Variants in USP10 observed in about 807,000 individuals in gnomAD.
The protein encoded by USP10 is ubiquitin carboxyl-terminal hydrolase 10.
USP10 carries 22 observed loss-of-function variants against 84.5 expected under a neutral mutation model. The observed-to-expected ratio is 0.26, with a 90% CI of 0.19 to 0.37. The LOEUF (loss-of-function observed/expected upper bound fraction) is 0.37. Among genes scored for constraint, USP10 ranks in the 10% least tolerant of loss-of-function variants. USP10 has a pLI of 1.00. For synonymous variants in USP10, 454 were observed against 387.6 expected (o/e 1.17, Z -2.01); for missense variants, 1,019 against 998.9 (o/e 1.02, Z -0.27).
chr16:84,721,009 T>A (rs1907735124), intron 1 of USP10, among the ~76,000 whole-genome samples: 1 of 151,308 alleles, frequency 6.6e-6, no homozygotes, highest in African/African-American at 2.4e-5. Context: ...TTTTCCTGCC[T>A]CAGCCTCTCG....
Position 84,719,100 on chromosome 16 carries a change from T to A in USP10, c.22-14335T>A, listed in dbSNP as rs868668913. Among the ~76,000 whole-genome samples, 9 of 152,124 alleles carry A rather than the reference T, an allele frequency of 5.9e-5. 1 individual carries two copies. The Middle Eastern group carries it at 0.014, about 230-fold the overall frequency. On this transcript the variant is annotated intron_variant, in intron 1 of 13. Coordinates refer to ENST00000219473, the MANE Select transcript of USP10 (RefSeq NM_005153.3). ...AGCCACCGCGCCCGGCCAGTTTAGT[T>A]GTTGTTGTTGTTGTTGTTTTTGCCT...
chr16:84,718,734 C>T (rs1263307492), intron 1 of USP10, among the ~76,000 whole-genome samples: 1 of 151,076 alleles, frequency 6.6e-6, no homozygotes, highest in African/African-American at 2.4e-5. Context: ...CCAGGTTGGG[C>T]AACAGAGCAA....
intron 1 of USP10, among the ~76,000 whole-genome samples, chr16:84,720,792 G>A (rs1451382914): frequency 2.0e-5 from 3 of 150,878 alleles, no homozygotes; most frequent in South Asian, 2.1e-4. Context: ...CCGTATTAGC[G>A]GGGATGGTCT....
intron 3 of USP10, among the ~76,000 whole-genome samples, chr16:84,741,688 ACACG>A (rs1376384564): frequency 6.6e-6 from 1 of 152,098 alleles, no homozygotes; most frequent in Admixed American, 6.5e-5. Context: ...TCTGCCAAAA[ACACG>A]ACTGGAATCT....
intron 11 of USP10, among the ~76,000 whole-genome samples, chr16:84,768,893 C>G (rs1186470919): frequency 6.6e-6 from 1 of 152,168 alleles, no homozygotes; most frequent in East Asian, 1.9e-4. Context: ...TTTCAGTCTT[C>G]ATGAATTTAA....
chr16:84,723,473 A>C (rs1405740409), intron 1 of USP10, among the ~76,000 whole-genome samples: 5 of 152,254 alleles, frequency 3.3e-5, no homozygotes, highest in Admixed American at 3.3e-4. Flanking sequence ...AAAACCATTC[A>C]GAGTGATCAA....
At chr16:84,710,718 A>C (rs1597273030) in intron 1 of USP10, among the ~76,000 whole-genome samples, 1 of 152,118 alleles carries the variant, frequency 6.6e-6, no homozygotes, top group Admixed American at 6.5e-5. Flanking sequence ...TGGATTTAAC[A>C]GCGTTTTTAG....
intron 1 of USP10, among the ~76,000 whole-genome samples, chr16:84,714,445 A>C (rs1296995811): frequency 2.0e-5 from 3 of 152,160 alleles, no homozygotes; most frequent in East Asian, 1.9e-4. Flanking sequence ...TAGCCTCCCA[A>C]AATGCTGGGG....
At chr16:84,769,117 G>C (rs1351323467) in intron 11 of USP10, among the ~76,000 whole-genome samples, 1 of 152,198 alleles carries the variant, frequency 6.6e-6, no homozygotes, top group African/African-American at 2.4e-5. Context: ...AATGCAGGCT[G>C]ATAATTATGG....
chr16:84,719,266 G>A (rs1237613031), intron 1 of USP10, among the ~76,000 whole-genome samples: 1 of 152,074 alleles, frequency 6.6e-6, no homozygotes, highest in Non-Finnish European at 1.5e-5. Flanking sequence ...TAACTGGGAG[G>A]CATAACTGAA....
intron 1 of USP10, among the ~76,000 whole-genome samples, chr16:84,709,901 G>T (rs570788531): frequency 1.3e-5 from 2 of 151,898 alleles, no homozygotes; most frequent in Non-Finnish European, 2.9e-5. Flanking sequence ...TTAGCCGGGA[G>T]TCTGGAGAGG....
chr16:84,772,657 A>C lies in USP10; in HGVS notation c.2115A>C (p.Glu705Asp). 6.2e-7 allele frequency: 1 copy of C among 1,614,004 alleles called. No individual in the cohort carries two copies. The highest frequency in any genetic ancestry group is 8.5e-7 in the Non-Finnish European group (1 of 1,179,904). ...GGCQKLIKNIEYPVDLEISKE... is the reference protein window; with the variant it reads ...GGCQKLIKNIDYPVDLEISKE... ...GCCAGAAGCTTATCAAAAATATTGAATATCCTGTGGACTTGGAAATTAGTA... is the reference window on the plus strand; with the variant it reads ...GCCAGAAGCTTATCAAAAATATTGACTATCCTGTGGACTTGGAAATTAGTA... The change falls in exon 12 of 14, where the codon GAA (glutamate) becomes GAC (aspartate). Residue 705 changes from glutamate to aspartate, a missense_variant. Physicochemically the swap from Glu to Asp is conservative, Grantham distance 45 (BLOSUM62 2). This residue lies in a region of USP10 where 232 missense variants were observed against 290.1 expected (regional missense o/e 0.80). Transcript: ENST00000219473.
chr16:84,740,306 C>T lies in USP10; in HGVS notation c.91-3C>T. 2 of 1,607,562 alleles carry T rather than the reference C, an allele frequency of 1.2e-6. No individual in the cohort carries two copies. Among genetic ancestry groups the T allele is most frequent in the Non-Finnish European group, 1.7e-6 (2 of 1,176,684 alleles). On this transcript the variant is annotated splice_region_variant and splice_polypyrimidine_tract_variant and intron_variant, in intron 2 of 13. Transcript: ENST00000219473. ...AAAATTTGTTTTCTGATTCCTTGTG[C>T]AGCTTCCTCCATACAGTGGAACAGT...
chr16:84,724,747 G>C (rs939251179), intron 1 of USP10, among the ~76,000 whole-genome samples: 1 of 152,186 alleles, frequency 6.6e-6, no homozygotes, highest in Non-Finnish European at 1.5e-5. Context: ...TGTGTTCAAA[G>C]TTTTACTCTC....
intron 4 of USP10, among the ~76,000 whole-genome samples, chr16:84,756,248 C>G (rs536199573): frequency 6.6e-6 from 1 of 152,342 alleles, no homozygotes; most frequent in African/African-American, 2.4e-5. Flanking sequence ...GGTGCCTAGG[C>G]AGGGCTCAGC....
chr16:84,722,054 A>G (rs1241637897), intron 1 of USP10, among the ~76,000 whole-genome samples: 2 of 152,212 alleles, frequency 1.3e-5, no homozygotes, highest in African/African-American at 2.4e-5. Flanking sequence ...CACTCCATAT[A>G]TAGAACATTT....
At chr16:84,766,009 C>T (rs928142960) in intron 10 of USP10, among the ~76,000 whole-genome samples, 14 of 152,174 alleles carry the variant, frequency 9.2e-5, no homozygotes, top group East Asian at 1.9e-4. Context: ...TGAGGCCTTG[C>T]GGCATAACCC....
At chr16:84,700,479 C>G (rs571559994) in intron 1 of USP10, among the ~76,000 whole-genome samples, 6 of 152,158 alleles carry the variant, frequency 3.9e-5, no homozygotes, top group African/African-American at 1.4e-4. Context: ...CCCGGGGGCT[C>G]CGGGAGTCCC....
chr16:84,744,195 A>G (rs535297759), intron 3 of USP10, among the ~76,000 whole-genome samples: 65 of 152,274 alleles, frequency 4.3e-4, no homozygotes, highest in African/African-American at 1.5e-3. Flanking sequence ...CGTTAACTAC[A>G]GAAGCTGATT....
Sources: allele counts gnomAD v4.1 joint callset (sites outside exome capture counted in the v4.1 genomes callset), GRCh38; gene constraint gnomAD v4.1.1; regional missense constraint gnomAD v4.1.1; transcripts MANE v1.5; gene names NCBI Gene and HGNC (gene_info 2026-07-23, HGNC 2026-07-21).